KATNIP: variants seen among roughly 807,000 people sequenced by gnomAD.
KATNIP encodes the protein katanin-interacting protein.
A neutral mutation model predicts 174.0 loss-of-function variants in KATNIP; 126 were observed. The ratio of observed to expected loss-of-function variants is 0.72; its 90% confidence interval spans 0.63 to 0.84. KATNIP has a LOEUF of 0.84. Ranked by LOEUF, KATNIP falls within the 40% of genes least tolerant of loss-of-function variation. The pLI is 0.00. For missense variants in KATNIP, 1,958 were observed against 2,109.7 expected, an observed-to-expected ratio of 0.93 and a Z score of 1.41; for synonymous variants, 810 against 835.7, an observed-to-expected ratio of 0.97 and a Z score of 0.53.
chr16:27,678,107 A>G, intron 7 of KATNIP, 111 bp downstream of exon 7: 1 of 1,208,994 alleles, frequency 8.3e-7, no homozygotes, highest in Admixed American at 2.2e-5. Context: ...AGTGTCTCAC[A>G]GGCCAGGGAG....
intron 20 of KATNIP, 108 bp from the exon 21 acceptor site, chr16:27,769,753 G>A: frequency 7.5e-7 from 1 of 1,334,958 alleles, no homozygotes; most frequent in Non-Finnish European, 1.0e-6. Context: ...CTCTGCGAAA[G>A]GCTCCCCATG....
chr16:27,754,137 A>AC, intron 17 of KATNIP, 36 bp from the exon 18 acceptor site: 1 of 1,578,126 alleles, frequency 6.3e-7, no homozygotes, highest in East Asian at 2.2e-5. Flanking sequence ...CACTAAAACC[A>AC]CCCCCTTTTC....
At chr16:27,649,172 G>T (rs1022536449) in intron 6 of KATNIP, among the ~76,000 whole-genome samples, 1 of 152,244 alleles carries the variant, frequency 6.6e-6, no homozygotes, top group Admixed American at 6.5e-5. Context: ...CTGTCCACAC[G>T]TGTATACATG....
chr16:27,681,500 G>A lies in KATNIP; in HGVS notation c.910G>A (p.Val304Ile), dbSNP rs1160100367. 1 of 1,614,220 alleles carries A rather than the reference G, an allele frequency of 6.2e-7. No individual in the cohort carries two copies. The highest frequency in any genetic ancestry group is 8.5e-7 in the Non-Finnish European group (1 of 1,180,040). Reference sequence around the variant, plus strand: ...AAACCTGACTCCCCAAGCTCCTGCTGTATTCCCAGACCAGGAGAGGATGTG... The same window carrying A: ...AAACCTGACTCCCCAAGCTCCTGCTATATTCCCAGACCAGGAGAGGATGTG... Reference protein sequence around the residue: ...EPNLTPQAPAVFPDQERMCSR... With the variant: ...EPNLTPQAPAIFPDQERMCSR... Residue 304 changes from valine (V) to isoleucine (I), a missense_variant, in exon 8 of 28, where the codon GTA becomes ATA. This residue lies in a region of KATNIP where 1,557 missense variants were observed against 1,617.8 expected (regional missense o/e 0.96). Coordinates refer to ENST00000261588, the MANE Select transcript of KATNIP (RefSeq NM_015202.5).
chr16:27,672,193 G>T (rs367578208), intron 6 of KATNIP, among the ~76,000 whole-genome samples: 1 of 152,140 alleles, frequency 6.6e-6, no homozygotes, highest in Non-Finnish European at 1.5e-5. Flanking sequence ...CCTGTCCCCC[G>T]TGACTGCTGC....
At chr16:27,576,535 G>C (rs1396697490) in intron 2 of KATNIP, among the ~76,000 whole-genome samples, 3 of 152,040 alleles carry the variant, frequency 2.0e-5, no homozygotes, top group Non-Finnish European at 2.9e-5. Context: ...CAGCACTTTA[G>C]AAGGCCAAGG....
intron 2 of KATNIP, among the ~76,000 whole-genome samples, chr16:27,596,238 G>A (rs1438686425): frequency 6.6e-6 from 1 of 152,160 alleles, no homozygotes; most frequent in Non-Finnish European, 1.5e-5. Context: ...CTGTGGGGGT[G>A]CTGAGAAGGG....
intron 6 of KATNIP, among the ~76,000 whole-genome samples, chr16:27,672,119 C>A (rs1471371057): frequency 2.0e-5 from 3 of 152,112 alleles, no homozygotes; most frequent in African/African-American, 4.8e-5. Flanking sequence ...CTGCCTAGCA[C>A]CCTTCAGCAG....
At chr16:27,692,036 C>G (rs1244668111) in intron 8 of KATNIP, among the ~76,000 whole-genome samples, 1 of 152,124 alleles carries the variant, frequency 6.6e-6, no homozygotes, top group Non-Finnish European at 1.5e-5. Flanking sequence ...GGCTCTTGCC[C>G]AAAGATTGGC....
chr16:27,768,847 G>T (rs2082206051), intron 20 of KATNIP, among the ~76,000 whole-genome samples: 1 of 152,250 alleles, frequency 6.6e-6, no homozygotes, highest in Non-Finnish European at 1.5e-5. Context: ...CTTCCTTTCT[G>T]CAGGAGGAGC....
chr16:27,573,921 G>A lies in KATNIP; in HGVS notation c.28G>A (p.Glu10Lys), dbSNP rs768793261. MDGQTLRKA[E>K]RSWSCSREKK... ...GACAGGTCAGACTCTGCGAAAGGCC[G>A]AGAGAAGCTGGTCCTGCTCACGAGA... Residue 10 changes from glutamate to lysine, a missense_variant, in exon 2 of 28, where the codon GAG (glutamate) becomes AAG (lysine). Physicochemically the swap from Glu to Lys is moderately conservative, Grantham distance 56. Around this residue, in one of 3 missense-constraint regions of KATNIP, gnomAD observed 1,557 missense variants for 1,617.8 expected, o/e 0.96. Transcript: ENST00000261588. 10 of 1,614,144 alleles carry A rather than the reference G, an allele frequency of 6.2e-6. No homozygotes were observed. Among genetic ancestry groups the A allele is most frequent in the South Asian group, 4.4e-5 (4 of 91,088 alleles).
chr16:27,774,295 T>G (rs1207974844), intron 23 of KATNIP, among the ~76,000 whole-genome samples: 8 of 152,202 alleles, frequency 5.3e-5, no homozygotes, highest in Non-Finnish European at 1.0e-4. Context: ...CTCGAAGCTA[T>G]AAAGTTTCAT....
At chr16:27,662,908 C>G (rs2077568700) in intron 6 of KATNIP, among the ~76,000 whole-genome samples, 1 of 152,032 alleles carries the variant, frequency 6.6e-6, no homozygotes, top group African/African-American at 2.4e-5. Context: ...ATATGAAAAG[C>G]TGTCTATATC....
chr16:27,650,163 A>G (rs1376189027), intron 6 of KATNIP, among the ~76,000 whole-genome samples: 2 of 108,254 alleles, frequency 1.8e-5, no homozygotes, highest in East Asian at 3.1e-4. Context: ...ACAGAGTGAA[A>G]CTGTGTCTAA....
At chr16:27,582,027 G>A (rs893655837) in intron 2 of KATNIP, among the ~76,000 whole-genome samples, 19 of 152,094 alleles carry the variant, frequency 1.2e-4, no homozygotes, top group Admixed American at 4.6e-4. Context: ...CATTGCAATT[G>A]TGAATTGCAG....
At chr16:27,650,817 C>A (rs1308098281) in intron 6 of KATNIP, among the ~76,000 whole-genome samples, 1 of 152,154 alleles carries the variant, frequency 6.6e-6, no homozygotes, top group Admixed American at 6.5e-5. Flanking sequence ...ATGGAATGAT[C>A]CAATGACTTT....
At chr16:27,583,967 C>A (rs1210510345) in intron 2 of KATNIP, among the ~76,000 whole-genome samples, 3 of 151,990 alleles carry the variant, frequency 2.0e-5, no homozygotes, top group Non-Finnish European at 4.4e-5. Flanking sequence ...GTGGGGGAAG[C>A]TTAGGTGCTA....
intron 7 of KATNIP, among the ~76,000 whole-genome samples, chr16:27,679,649 G>T (rs1011644141): frequency 6.6e-6 from 1 of 151,826 alleles, no homozygotes; most frequent in African/African-American, 2.4e-5. Flanking sequence ...CTACTTGGGA[G>T]GCTGAGGCAG....
intron 5 of KATNIP, among the ~76,000 whole-genome samples, chr16:27,634,751 T>A (rs1597009664): frequency 2.0e-5 from 3 of 152,338 alleles, no homozygotes; most frequent in Admixed American, 2.0e-4. Context: ...GCCATCTGAT[T>A]GGCTGAACCT....
Sources: allele counts gnomAD v4.1 joint callset (sites outside exome capture counted in the v4.1 genomes callset), GRCh38; gene constraint gnomAD v4.1.1; regional missense constraint gnomAD v4.1.1; transcripts MANE v1.5; gene names NCBI Gene and HGNC (gene_info 2026-07-23, HGNC 2026-07-21).